GSK3B: variants seen among roughly 807,000 people sequenced by gnomAD.
GSK3B encodes glycogen synthase kinase-3 beta.
In GSK3B, 15 loss-of-function variants were observed where a neutral mutation model predicts 56.4. The observed-to-expected ratio is 0.27, with a 90% CI of 0.18 to 0.41. The LOEUF (loss-of-function observed/expected upper bound fraction) is 0.41. GSK3B is among the 10% of genes least tolerant of loss of function. The pLI, the probability that GSK3B is intolerant of heterozygous loss-of-function variation, is 1.00. For missense variants in GSK3B, 300 were observed against 513.4 expected (o/e 0.58, Z 4.02); for synonymous variants, 181 against 188.9 (o/e 0.96, Z 0.34).
In GSK3B at chr3:120,094,436, G is replaced by A. The variant is rs914185502; in HGVS notation, c.-1002C>T. On this transcript the variant is annotated 5_prime_UTR_variant, in exon 1 of 11. Transcript: ENST00000264235. ...AAGCCCGCATTCGCCCGGGTCAGGA[G>A]CTGCTCTGTGTGAGGAGCGCTGTCT... 12 of 280,934 alleles carry A rather than the reference G, an allele frequency of 4.3e-5. 1 individual carries two copies. The highest frequency in any genetic ancestry group is 2.2e-4 in the Admixed American group (4 of 17,884). 17.4% of individuals were successfully genotyped at this position (280,934 alleles called of 1,614,324 possible). A position where few individuals can be genotyped will look rare whatever the true frequency, so the allele number is the denominator to read the frequency against.
At chr3:119,872,622 T>A (rs1397929966) in intron 8 of GSK3B, among the ~76,000 whole-genome samples, 1 of 152,122 alleles carries the variant, frequency 6.6e-6, no homozygotes, top group Non-Finnish European at 1.5e-5. Flanking sequence ...AATTCTATGA[T>A]ATGATGGTGG....
chr3:119,935,726 A>G (rs774763523), intron 3 of GSK3B, among the ~76,000 whole-genome samples: 28 of 152,208 alleles, frequency 1.8e-4, no homozygotes, highest in Admixed American at 7.2e-4. Context: ...AGCAGAGGGA[A>G]TACTTCTCAA....
chr3:120,092,710 T>C (rs2058523871), intron 1 of GSK3B, among the ~76,000 whole-genome samples: 1 of 152,206 alleles, frequency 6.6e-6, no homozygotes, highest in African/African-American at 2.4e-5. Flanking sequence ...ACAGAGATGT[T>C]ACTGCTGCTA....
intron 1 of GSK3B, among the ~76,000 whole-genome samples, chr3:120,078,086 A>G (rs1576313786): frequency 6.6e-6 from 1 of 152,176 alleles, no homozygotes; most frequent in South Asian, 2.1e-4. Context: ...CATCATTAAC[A>G]GCATCCAGAG....
Position 120,094,130 on chromosome 3 carries a change from G to A in GSK3B, c.-696C>T, listed in dbSNP as rs2058542247. Reference sequence around the variant, plus strand: ...TCCAGCGGCCATGGCGGTGGCGGAGGCAGCTCCCTTCAGACCCCAGGCAGC... The same window carrying A: ...TCCAGCGGCCATGGCGGTGGCGGAGACAGCTCCCTTCAGACCCCAGGCAGC... On this transcript the variant is annotated 5_prime_UTR_variant, in exon 1 of 11. Coordinates refer to ENST00000264235, the MANE Select transcript of GSK3B (RefSeq NM_001146156.2). The A allele has an allele frequency of 2.2e-5, 5 of 230,862 alleles. No homozygotes were observed. The highest frequency in any genetic ancestry group is 4.3e-5 in the Non-Finnish European group (5 of 115,964). 14.3% of individuals were successfully genotyped at this position (230,862 alleles called of 1,614,324 possible).
At chr3:119,881,448 TAAAAC>T (rs1459958518) in intron 7 of GSK3B, among the ~76,000 whole-genome samples, 2 of 152,192 alleles carry the variant, frequency 1.3e-5, no homozygotes, top group African/African-American at 2.4e-5. Flanking sequence ...CTATTGTACT[TAAAAC>T]AATATATTTG....
intron 2 of GSK3B, among the ~76,000 whole-genome samples, chr3:119,988,436 T>A (rs2057535809): frequency 1.3e-5 from 2 of 152,338 alleles, no homozygotes; most frequent in South Asian, 4.1e-4. Flanking sequence ...CTTGCATAAG[T>A]GCACTAAAAA....
Position 120,070,548 on chromosome 3 carries a change from GA to G in GSK3B, c.88+22798del, listed in dbSNP as rs551103328. ...AGGCTAAAATGGTCCTACAATGTCA[GA>G]AAAAAAAAAAAATGTATGGAATACC... is the stretch of plus-strand genomic sequence containing the variant. On this transcript the variant is annotated intron_variant, in intron 1 of 10. Coordinates refer to ENST00000264235, the MANE Select transcript of GSK3B (RefSeq NM_001146156.2). Among the ~76,000 whole-genome samples the G allele has an allele frequency of 3.3e-3, 442 of 133,198 alleles. 3 individuals carry two copies. The highest frequency in any genetic ancestry group is 0.01 in the African/African-American group (378 of 36,482). 87.4% of individuals were successfully genotyped at this position (133,198 alleles called of 152,430 possible). A position where few individuals can be genotyped will look rare whatever the true frequency, so the allele number is the denominator to read the frequency against.
intron 1 of GSK3B, among the ~76,000 whole-genome samples, chr3:120,015,321 A>C (rs767810804): frequency 6.6e-6 from 1 of 152,204 alleles, no homozygotes; most frequent in Non-Finnish European, 1.5e-5. Context: ...TATAATTAAA[A>C]GTCTGAACCC....
chr3:119,997,195 A>G lies in GSK3B; in HGVS notation c.282+4851T>C, dbSNP rs140814842. ...GAAAAGCAACATAGTAAAGTACCCT[A>G]CTAAAGGGCCTCAGCACATTAAATG... On this transcript the variant is annotated intron_variant, in intron 2 of 10. Coordinates refer to ENST00000264235, the MANE Select transcript of GSK3B (RefSeq NM_001146156.2). Among the ~76,000 whole-genome samples the G allele has an allele frequency of 2.3e-3, 348 of 152,348 alleles. 2 individuals are homozygous for G. Among genetic ancestry groups the G allele is most frequent in the Non-Finnish European group, 2.4e-3 (161 of 68,032 alleles).
chr3:119,919,087 T>C (rs2056810566), intron 4 of GSK3B, among the ~76,000 whole-genome samples: 2 of 152,232 alleles, frequency 1.3e-5, no homozygotes, highest in African/African-American at 4.8e-5. Context: ...TCATCTGTTT[T>C]AGAGTTGCAT....
intron 1 of GSK3B, chr3:120,029,610 A>T: frequency 1.8e-6 from 1 of 568,774 alleles, no homozygotes. Context: ...CCCAGAAGGG[A>T]GGCTTGCCAT....
chr3:119,981,596 C>T (rs2057463163), intron 2 of GSK3B, among the ~76,000 whole-genome samples: 1 of 152,252 alleles, frequency 6.6e-6, no homozygotes, highest in African/African-American at 2.4e-5. Flanking sequence ...TCACTGCTAG[C>T]GCAGTAGTCT....
intron 10 of GSK3B, among the ~76,000 whole-genome samples, chr3:119,830,357 T>C (rs1274081975): frequency 6.6e-6 from 1 of 152,266 alleles, no homozygotes; most frequent in African/African-American, 2.4e-5. Context: ...TCTGTAAATT[T>C]ATTTTACACA....
intron 1 of GSK3B, chr3:120,041,651 A>T (rs529365758): frequency 3.9e-5 from 6 of 152,516 alleles, no homozygotes; most frequent in African/African-American, 1.2e-4. Flanking sequence ...GTTTCTTAAC[A>T]AGAGTTCTAA....
At chr3:120,040,256 A>C (rs1266662457) in intron 1 of GSK3B, among the ~76,000 whole-genome samples, 1 of 152,180 alleles carries the variant, frequency 6.6e-6, no homozygotes, top group Non-Finnish European at 1.5e-5. Context: ...GTGCAGAGTG[A>C]GTGGGTCCTA....
chr3:119,930,062 C>T (rs1331514545), intron 3 of GSK3B, among the ~76,000 whole-genome samples: 1 of 147,718 alleles, frequency 6.8e-6, no homozygotes, highest in Admixed American at 6.8e-5. Context: ...CTGGACGACA[C>T]AGTGAGATTC....
chr3:119,849,321 T>C (rs1420193701), intron 9 of GSK3B, among the ~76,000 whole-genome samples: 3 of 152,180 alleles, frequency 2.0e-5, no homozygotes, highest in Non-Finnish European at 4.4e-5. Context: ...CAACAGAAAT[T>C]GACAAGAACA....
At chr3:119,957,178 T>C (rs1306808641) in intron 2 of GSK3B, among the ~76,000 whole-genome samples, 1 of 152,224 alleles carries the variant, frequency 6.6e-6, no homozygotes, top group Non-Finnish European at 1.5e-5. Flanking sequence ...ATTTATGATA[T>C]TTTCCTTTTA....
Sources: allele counts gnomAD v4.1 joint callset (sites outside exome capture counted in the v4.1 genomes callset), GRCh38; gene constraint gnomAD v4.1.1; transcripts MANE v1.5; gene names NCBI Gene and HGNC (gene_info 2026-07-23, HGNC 2026-07-21).